The following AK3 variants were observed in gnomAD, a reference collection of about 807,000 sequenced individuals.
AK3 encodes the protein GTP:AMP phosphotransferase AK3, mitochondrial.
In AK3, 27 loss-of-function variants were observed where a neutral mutation model predicts 23.7. The observed-to-expected ratio is 1.14, with a 90% CI of 0.84 to 1.57. The LOEUF (loss-of-function observed/expected upper bound fraction) is 1.57, where lower values mean the gene tolerates loss of function less well. Among genes scored for constraint, AK3 ranks in the 40% most tolerant of loss-of-function variants. The probability of loss-of-function intolerance (pLI) is 0.00; values close to 1 mark genes in which losing one functional copy is unlikely to be tolerated. For missense variants in AK3, 406 were observed against 285.6 expected (o/e 1.42, Z -3.04); for synonymous variants, 159 against 116.0 (o/e 1.37, Z -2.38).
At chr9:4,740,006 G>T (rs943230747) in intron 1 of AK3, among the ~76,000 whole-genome samples, 4 of 138,622 alleles carry the variant, frequency 2.9e-5, no homozygotes, top group African/African-American at 2.7e-5. Context: ...GGTAGGGAAC[G>T]AAAGAGGGCG....
Position 4,709,711 on chromosome 9 carries a change from A to G in AK3, c.*3265T>C, listed in dbSNP as rs1841499675. The G allele has an allele frequency of 6.6e-6, 1 of 152,234 alleles. No homozygotes were observed. Among genetic ancestry groups the G allele is most frequent in the Non-Finnish European group, 1.5e-5 (1 of 68,032 alleles). The allele number at this position is 152,234 out of a possible 1,614,324, so 9.4% of individuals were successfully genotyped here. A position where few individuals can be genotyped will look rare whatever the true frequency, so the allele number is the denominator to read the frequency against. Reference sequence around the variant, plus strand: ...CAGAAGCTTTAAGCACAGCTACACTATTTTAACTGTTTAAAAATTTTTTAA... The same window carrying G: ...CAGAAGCTTTAAGCACAGCTACACTGTTTTAACTGTTTAAAAATTTTTTAA... On this transcript the variant is annotated 3_prime_UTR_variant, in exon 5 of 5. Transcript: ENST00000381809.
At position 4,733,577 on chromosome 9, in the gene AK3, T is replaced by C. The variant is rs527617442; in HGVS notation, c.151+7360A>G. On this transcript the variant is annotated intron_variant, in intron 1 of 4. Transcript: ENST00000381809. ...AAATGAAAACCTCCCTTGACCATTG[T>C]TCCTCCCGCTCACCATCACTCAATC... 1.6e-4 allele frequency among the ~76,000 whole-genome samples: 24 copies of C among 152,282 alleles called. No individual in the cohort carries two copies. In the East Asian group the frequency reaches 4.6e-3, roughly 29 times the overall value.
intron 1 of AK3, among the ~76,000 whole-genome samples, chr9:4,739,500 G>C (rs920026911): frequency 6.6e-6 from 1 of 150,686 alleles, no homozygotes; most frequent in African/African-American, 2.4e-5. Flanking sequence ...AATCATACTA[G>C]ATTCAGAAAA....
intron 4 of AK3, among the ~76,000 whole-genome samples, chr9:4,715,216 CAA>C (rs1237615381): frequency 7.0e-5 from 4 of 56,986 alleles, no homozygotes; most frequent in Non-Finnish European, 6.8e-5. Flanking sequence ...GACTCCGTCT[CAA>C]AAAAAAAAAA....
chr9:4,716,956 T>G (rs573996859), intron 4 of AK3, among the ~76,000 whole-genome samples: 16 of 152,320 alleles, frequency 1.1e-4, no homozygotes, highest in African/African-American at 3.8e-4. Context: ...AATAACAGTT[T>G]GGAAACTATT....
rs1841502568 is a variant in AK3 at position 4,709,803 on chromosome 9, G to A, written c.*3173C>T. ...AAAGCTATTTCTACAGTTTATCAGG[G>A]CCTGAGGATTTATTTTTATTTTTAT... is the stretch of plus-strand genomic sequence containing the variant. On this transcript the variant is annotated 3_prime_UTR_variant, in exon 5 of 5. Coordinates refer to ENST00000381809, the MANE Select transcript of AK3 (RefSeq NM_016282.4). The A allele has an allele frequency of 6.6e-6, 1 of 152,076 alleles. No homozygotes were observed. The highest frequency in any genetic ancestry group is 1.5e-5 in the Non-Finnish European group (1 of 68,006). The allele number at this position is 152,076 out of a possible 1,614,324, so 9.4% of individuals were successfully genotyped here.
chr9:4,741,046 C>A lies in AK3; in HGVS notation c.42G>T (p.Gly14=). The change falls in exon 1 of 5, where the codon GGG becomes GGT. Residue 14 remains glycine (G), a synonymous_variant. Coordinates refer to ENST00000381809, the MANE Select transcript of AK3 (RefSeq NM_016282.4). Reference sequence around the variant, plus strand: ...CGGTGCCCTTGCCCGAGCCCGGGGCCCCCATGATCACCGCTCGCAGCAGCC... The same window carrying A: ...CGGTGCCCTTGCCCGAGCCCGGGGCACCCATGATCACCGCTCGCAGCAGCC... ...SARLLRAVIM[G]APGSGKGTVS... is the part of the protein sequence containing the mutation. 2 of 1,572,322 alleles carry A rather than the reference C, an allele frequency of 1.3e-6. No homozygotes were observed. Among genetic ancestry groups the A allele is most frequent in the Non-Finnish European group, 1.7e-6 (2 of 1,161,790 alleles).
At chr9:4,720,218 G>C (rs758876122) in intron 2 of AK3, among the ~76,000 whole-genome samples, 1 of 152,144 alleles carries the variant, frequency 6.6e-6, no homozygotes, top group Non-Finnish European at 1.5e-5. Flanking sequence ...AAAACAGAGA[G>C]ACAGGCAAAT....
At chr9:4,731,065 T>C (rs557203450) in intron 1 of AK3, among the ~76,000 whole-genome samples, 8 of 152,216 alleles carry the variant, frequency 5.3e-5, no homozygotes, top group Non-Finnish European at 1.0e-4. Flanking sequence ...CCTACTGATA[T>C]TGTCATTCTT....
At chr9:4,735,274 A>AATATATATACATATATAAAT (rs1842246832) in intron 1 of AK3, among the ~76,000 whole-genome samples, 12 of 9,642 alleles carry the variant, frequency 1.2e-3, no homozygotes, top group African/African-American at 3.3e-3. Flanking sequence ...TATATATATA[A>AATATATATACATATATAAAT]ATATATATAC....
At chr9:4,729,772 G>T (rs567945380) in intron 1 of AK3, among the ~76,000 whole-genome samples, 1 of 150,072 alleles carries the variant, frequency 6.7e-6, no homozygotes, top group Non-Finnish European at 1.5e-5. Flanking sequence ...GGCTGCTGCT[G>T]TTGAGTTATG....
chr9:4,719,560 G>A (rs1294100800), intron 2 of AK3, among the ~76,000 whole-genome samples: 1 of 152,074 alleles, frequency 6.6e-6, no homozygotes, highest in East Asian at 1.9e-4. Flanking sequence ...GGCTGCTTTT[G>A]TTATGAAATT....
In AK3 at chr9:4,740,697, A is replaced by G. The variant is rs141098664; in HGVS notation, c.151+240T>C. On this transcript the variant is annotated intron_variant, in intron 1 of 4. Transcript: ENST00000381809. ...GGTTTCCTTTCATCTCTGAACTTCG[A>G]GCTCGACCTAACTTTCCAGTCCCTT... Among the ~76,000 whole-genome samples, 692 of 152,162 alleles carry G rather than the reference A, an allele frequency of 4.5e-3. 4 individuals carry two copies. Among genetic ancestry groups the G allele is most frequent in the African/African-American group, 0.016 (667 of 41,518 alleles).
At chr9:4,721,213 G>C (rs1323484072) in intron 2 of AK3, among the ~76,000 whole-genome samples, 2 of 151,968 alleles carry the variant, frequency 1.3e-5, no homozygotes, top group Admixed American at 6.6e-5. Flanking sequence ...GACCAGTCTG[G>C]CCAACATAGT....
intron 4 of AK3, among the ~76,000 whole-genome samples, chr9:4,713,993 T>TACACGCCTACACATAC (rs1587633644): frequency 5.3e-5 from 1 of 18,962 alleles, no homozygotes. Flanking sequence ...CCTACACATA[T>TACACGCCTACACATAC]ACGCCTACAC....
At chr9:4,731,392 A>G (rs1842149060) in intron 1 of AK3, among the ~76,000 whole-genome samples, 1 of 152,120 alleles carries the variant, frequency 6.6e-6, no homozygotes, top group Admixed American at 6.5e-5. Context: ...TTCCTGCGTT[A>G]GTTTGCTAAG....
intron 1 of AK3, among the ~76,000 whole-genome samples, chr9:4,737,591 G>A (rs921283658): frequency 6.6e-6 from 1 of 152,142 alleles, no homozygotes; most frequent in Non-Finnish European, 1.5e-5. Context: ...GTGCAAGCCT[G>A]TAGTCCCAGC....
intron 1 of AK3, among the ~76,000 whole-genome samples, chr9:4,733,711 G>A (rs921127031): frequency 6.6e-6 from 1 of 151,970 alleles, no homozygotes; most frequent in Non-Finnish European, 1.5e-5. Flanking sequence ...TTACATAAAT[G>A]CCCACCTGGG....
chr9:4,732,701 A>T (rs1192516106), intron 1 of AK3, among the ~76,000 whole-genome samples: 1 of 152,194 alleles, frequency 6.6e-6, no homozygotes, highest in Non-Finnish European at 1.5e-5. Context: ...AAATGTTTAT[A>T]TTACATAAAA....
Sources: gnomAD v4.1 joint callset for allele counts (sites outside exome capture counted in the v4.1 genomes callset) on GRCh38, gnomAD v4.1.1 for gene constraint, MANE v1.5 for transcripts, NCBI Gene and HGNC (gene_info 2026-07-23, HGNC 2026-07-21) for gene names.